SLIT2: variants seen among roughly 807,000 people sequenced by gnomAD.
SLIT2 encodes the protein slit guidance ligand 2.
SLIT2 carries 41 observed loss-of-function variants against 185.7 expected under a neutral mutation model. The ratio of observed to expected loss-of-function variants is 0.22; its 90% confidence interval spans 0.17 to 0.29. The LOEUF is 0.29. Ranked by LOEUF, SLIT2 falls within the 10% of genes least tolerant of loss-of-function variation. SLIT2 has a pLI of 1.00. For missense variants in SLIT2, 1,571 were observed against 1,909.0 expected (o/e 0.82, Z 3.30); for synonymous variants, 693 against 680.2 (o/e 1.02, Z -0.29).
At chr4:20,552,681 T>C (rs1042016504) in intron 25 of SLIT2, 1 of 152,168 alleles carries the variant, frequency 6.6e-6, no homozygotes, top group African/African-American at 2.4e-5. Flanking sequence ...GCATTAAAAC[T>C]TCCACAGTAT....
At chr4:20,301,009 T>C (rs1716989755) in intron 4 of SLIT2, among the ~76,000 whole-genome samples, 1 of 152,108 alleles carries the variant, frequency 6.6e-6, no homozygotes, top group Non-Finnish European at 1.5e-5. Flanking sequence ...TTTTGCCTTA[T>C]GCTAAAGACT....
intron 8 of SLIT2, among the ~76,000 whole-genome samples, 162 bp from the exon 9 acceptor site, chr4:20,491,599 A>G (rs534707544): frequency 6.6e-6 from 1 of 152,196 alleles, no homozygotes; most frequent in Non-Finnish European, 1.5e-5. Context: ...ATATAAATGC[A>G]TGCCTCCTAA....
At chr4:20,518,275 C>G (rs1283284958) in intron 11 of SLIT2, among the ~76,000 whole-genome samples, 18 of 116,220 alleles carry the variant, frequency 1.5e-4, no homozygotes, top group African/African-American at 6.1e-4. Context: ...TTTTTTGAGA[C>G]AGAGTCTCGC....
intron 30 of SLIT2, among the ~76,000 whole-genome samples, chr4:20,593,836 CA>C (rs1288622769): frequency 6.6e-6 from 1 of 151,830 alleles, no homozygotes; most frequent in African/African-American, 2.4e-5. Context: ...GGGGTACAAA[CA>C]CAGTTCTGTA....
At chr4:20,426,063 CT>C (rs1728536040) in intron 4 of SLIT2, among the ~76,000 whole-genome samples, 1 of 152,176 alleles carries the variant, frequency 6.6e-6, no homozygotes, top group African/African-American at 2.4e-5. Flanking sequence ...TCAGTGCTCC[CT>C]TATAGACTGT....
intron 34 of SLIT2, 121 bp downstream of exon 34, chr4:20,610,288 T>C: frequency 1.3e-6 from 1 of 792,158 alleles, no homozygotes; most frequent in Non-Finnish European, 1.9e-6. Context: ...TGATCAATCA[T>C]TGAAAGATGG....
intron 26 of SLIT2, among the ~76,000 whole-genome samples, chr4:20,565,352 C>A (rs1725008052): frequency 6.6e-6 from 1 of 151,974 alleles, no homozygotes; most frequent in African/African-American, 2.4e-5. Context: ...GAGTTAGGTT[C>A]TTTCCTGTAA....
At chr4:20,273,869 G>C (rs540258660) in intron 4 of SLIT2, among the ~76,000 whole-genome samples, 1 of 152,024 alleles carries the variant, frequency 6.6e-6, no homozygotes, top group Non-Finnish European at 1.5e-5. Flanking sequence ...AGGTGCCATC[G>C]TTTCCTGCTT....
intron 4 of SLIT2, among the ~76,000 whole-genome samples, chr4:20,446,216 G>A (rs1711777957): frequency 6.6e-6 from 1 of 152,180 alleles, no homozygotes; most frequent in Non-Finnish European, 1.5e-5. Flanking sequence ...TGTTGAAGAG[G>A]GAAGCTGAGA....
chr4:20,537,915 T>C (rs1171323376), intron 18 of SLIT2, among the ~76,000 whole-genome samples: 1 of 152,178 alleles, frequency 6.6e-6, no homozygotes, highest in Non-Finnish European at 1.5e-5. Context: ...TTATGGATTT[T>C]TCTAGCAACA....
At chr4:20,600,265 A>T (rs73255304) in intron 33 of SLIT2, among the ~76,000 whole-genome samples, 1 of 152,212 alleles carries the variant, frequency 6.6e-6, no homozygotes, top group Non-Finnish European at 1.5e-5. Context: ...ATGGCAAAAT[A>T]TTTCTAAATA....
At chr4:20,520,012 C>T (rs1360104620) in intron 12 of SLIT2, among the ~76,000 whole-genome samples, 3 of 119,408 alleles carry the variant, frequency 2.5e-5, no homozygotes, top group East Asian at 2.7e-4. Flanking sequence ...CCAGCCCGGG[C>T]GACAGAGTGA....
intron 4 of SLIT2, among the ~76,000 whole-genome samples, chr4:20,432,269 A>C (rs1409650518): frequency 6.6e-6 from 1 of 152,194 alleles, no homozygotes; most frequent in Non-Finnish European, 1.5e-5. Context: ...AGAAAGGAAA[A>C]TAAGGTTTGC....
Position 20,618,915 on chromosome 4 carries a change from G to T in SLIT2, c.4496G>T (p.Arg1499Leu), listed in dbSNP as rs142621552. 6.2e-7 allele frequency: 1 copy of T among 1,614,008 alleles called. No individual in the cohort carries two copies. The highest frequency in any genetic ancestry group is 1.3e-5 in the African/African-American group (1 of 74,926). Residue 1499 changes from arginine (R) to leucine (L), a missense_variant, in exon 37 of 37, where the codon CGG (arginine) becomes CTG (leucine). By Grantham distance (102) the Arg-to-Leu change is moderately radical. Around this residue, in one of 3 missense-constraint regions of SLIT2, gnomAD observed 223 missense variants for 245.2 expected, o/e 0.91. Transcript: ENST00000504154. ...TGCTGTGGACCGCTGAGGAGCAAGC[G>T]GCGGAAATACTCTTTCGAATGCACT... ...GQCCGPLRSK[R>L]RKYSFECTDG... is the part of the protein sequence containing the mutation.
intron 4 of SLIT2, among the ~76,000 whole-genome samples, chr4:20,277,994 C>A (rs1441089863): frequency 6.6e-6 from 1 of 151,806 alleles, no homozygotes; most frequent in African/African-American, 2.4e-5. Context: ...GTTAGTAACA[C>A]TTTAAGGGTA....
At chr4:20,483,098 T>G (rs1716873386) in intron 6 of SLIT2, among the ~76,000 whole-genome samples, 1 of 152,038 alleles carries the variant, frequency 6.6e-6, no homozygotes, top group Non-Finnish European at 1.5e-5. Flanking sequence ...GTGGAAATAA[T>G]GAAGGAACAT....
At chr4:20,344,640 T>C (rs1721234107) in intron 4 of SLIT2, among the ~76,000 whole-genome samples, 1 of 152,204 alleles carries the variant, frequency 6.6e-6, no homozygotes, top group East Asian at 1.9e-4. Flanking sequence ...TGTATCCTTT[T>C]TCTGTCTCCC....
At chr4:20,498,339 C>G (rs953803633) in intron 9 of SLIT2, among the ~76,000 whole-genome samples, 2 of 152,214 alleles carry the variant, frequency 1.3e-5, no homozygotes, top group East Asian at 3.9e-4. Context: ...CTGCGTTGAA[C>G]TATGCTAGTT....
chr4:20,554,261 T>C (rs1296367424), intron 26 of SLIT2: 3 of 505,408 alleles, frequency 5.9e-6, no homozygotes, highest in South Asian at 4.7e-5. Flanking sequence ...CTCTAACAAG[T>C]CAAATGTTTT....
Sources: allele counts gnomAD v4.1 joint callset (sites outside exome capture counted in the v4.1 genomes callset), GRCh38; gene constraint gnomAD v4.1.1; regional missense constraint gnomAD v4.1.1; transcripts MANE v1.5; gene names NCBI Gene and HGNC (gene_info 2026-07-23, HGNC 2026-07-21).